ZFHX2: variants seen among roughly 807,000 people sequenced by gnomAD.
The protein encoded by ZFHX2 is zinc finger homeobox 2.
In ZFHX2, 75 loss-of-function variants were observed where a neutral mutation model predicts 164.8. The ratio of observed to expected loss-of-function variants is 0.46; its 90% CI spans 0.38 to 0.55. The LOEUF (loss-of-function observed/expected upper bound fraction) is 0.55, where lower values mean the gene tolerates loss of function less well. Among genes scored for constraint, ZFHX2 ranks in the 20% least tolerant of loss-of-function variants. The pLI is 0.00. For missense variants in ZFHX2, 2,933 were observed against 3,308.0 expected, an observed-to-expected ratio of 0.89 and a Z score of 2.78; for synonymous variants, 1,217 against 1,351.4, an observed-to-expected ratio of 0.90 and a Z score of 2.18.
chr14:23,535,231 G>T lies in ZFHX2; in HGVS notation c.95C>A (p.Thr32Asn). The T allele has an allele frequency of 6.6e-7, 1 of 1,522,412 alleles. No homozygotes were observed. The allele number at this position is 1,522,412 out of a possible 1,614,324, so 94.3% of individuals were successfully genotyped here. Residue 32 changes from threonine (T) to asparagine (N), a missense_variant, in exon 2 of 10, where the codon ACC (threonine) becomes AAC (asparagine). Coordinates refer to ENST00000419474, the MANE Select transcript of ZFHX2 (RefSeq NM_033400.3). The surrounding 1 kb of genome is among the most constrained non-coding windows in gnomAD (Gnocchi z 4.5). ...ATCTTTGGTGACAGGATCAGAGGGG[G>T]TGCTGGAGGAGAAGGTGTCCGAAGG... ...SLPSDTFSSS[T>N]PSDPVTKDPP...
Position 23,524,718 on chromosome 14 carries a change from C to T in ZFHX2, c.5224G>A (p.Glu1742Lys). The T allele has an allele frequency of 1.3e-6, 2 of 1,536,358 alleles. No homozygotes were observed. Among genetic ancestry groups the T allele is most frequent in the Non-Finnish European group, 1.7e-6 (2 of 1,146,938 alleles). ...EGPLPEPPDG[E>K]ELSQAEATKA... ...GTTGCCTCTGCTTGGCTCAGCTCCT[C>T]CCCATCTGGAGGCTCTGGTAATGGG... Residue 1742 changes from glutamate to lysine, a missense_variant, in exon 9 of 10, where the codon GAG (glutamate) becomes AAG (lysine). Glu to Lys is a moderately conservative substitution (Grantham distance 56). Transcript: ENST00000419474. This position sits in a 1 kb window ranked among gnomAD's most constrained non-coding sequence, Gnocchi z 5.6.
chr14:23,537,150 G>A (rs1277440374), intron 1 of ZFHX2, among the ~76,000 whole-genome samples: 2 of 151,912 alleles, frequency 1.3e-5, no homozygotes, highest in African/African-American at 2.4e-5. Flanking sequence ...ATGAAACTCC[G>A]TCTCACCAAA....
rs995242582 is a variant in ZFHX2 at position 23,533,314 on chromosome 14, C to T, written c.2012G>A (p.Gly671Glu). Reference protein sequence around the residue: ...QLLLNGFHHVGAPARKFPTSA... With the variant: ...QLLLNGFHHVEAPARKFPTSA... The stretch of plus-strand genomic sequence containing the variant: ...TGTGGGGAACTTGCGGGCAGGTGCT[C>T]CTACGTGGTGGAAACCATTGAGAAG... The change falls in exon 2 of 10, where the codon GGA (glycine) becomes GAA (glutamate). Residue 671 changes from glycine to glutamate, a missense_variant. By Grantham distance (98) the Gly-to-Glu change is moderately conservative. Coordinates refer to ENST00000419474, the MANE Select transcript of ZFHX2 (RefSeq NM_033400.3). This position sits in a 1 kb window ranked among gnomAD's most constrained non-coding sequence, Gnocchi z 4.8. 8.3e-5 allele frequency: 120 copies of T among 1,437,976 alleles called. No individual in the cohort carries two copies. Among genetic ancestry groups the T allele is most frequent in the Non-Finnish European group, 1.1e-4 (117 of 1,100,342 alleles). 89.1% of individuals were successfully genotyped at this position (1,437,976 alleles called of 1,614,324 possible).
chr14:23,529,348 T>G (rs1187721788), intron 6 of ZFHX2: 1 of 247,766 alleles, frequency 4.0e-6, no homozygotes, highest in African/African-American at 2.3e-5. Flanking sequence ...GTCTTTCTGC[T>G]CCTAACTAAG....
chr14:23,528,605 C>A (rs1566579813), intron 6 of ZFHX2: 1 of 985,432 alleles, frequency 1.0e-6, no homozygotes, highest in Non-Finnish European at 1.2e-6. Flanking sequence ...CCTCTGTGAA[C>A]CATCACCTGG....
Position 23,527,722 on chromosome 14 carries a change from T to G in ZFHX2, c.3017A>C (p.Gln1006Pro). The change falls in exon 7 of 10, where the codon CAG becomes CCG. Residue 1006 changes from glutamine to proline, a missense_variant. Transcript: ENST00000419474. ...GCACAGTGGGCATCTGTACTTGGGC[T>G]GCACTGCATGCTGGGAGAGTGTATG... ...RAHTLSQHAV[Q>P]PKYRCPLCQE... is the part of the protein sequence containing the mutation. The G allele has an allele frequency of 6.5e-7, 1 of 1,536,160 alleles. No individual in the cohort carries two copies. Among genetic ancestry groups the G allele is most frequent in the East Asian group, 2.4e-5 (1 of 40,902 alleles).
chr14:23,528,701 C>T, intron 6 of ZFHX2: 1 of 985,392 alleles, frequency 1.0e-6, no homozygotes, highest in Non-Finnish European at 1.2e-6. Context: ...CTTTCTTTTT[C>T]CTTCTTCTTT....
chr14:23,539,126 CT>C (rs1391672710), intron 1 of ZFHX2, among the ~76,000 whole-genome samples: 1 of 152,112 alleles, frequency 6.6e-6, no homozygotes, highest in East Asian at 1.9e-4. Context: ...TCCTCCTCCC[CT>C]AATGCACTGT....
intron 1 of ZFHX2, among the ~76,000 whole-genome samples, chr14:23,537,845 C>T (rs1360626516): frequency 6.6e-6 from 1 of 152,206 alleles, no homozygotes; most frequent in East Asian, 1.9e-4. Context: ...GGGTGGGCCA[C>T]ACCGCCCTTC....
In ZFHX2 at chr14:23,522,191, C is replaced by G; in HGVS notation, c.7490G>C (p.Cys2497Ser). Residue 2497 changes from cysteine to serine, a missense_variant, in exon 10 of 10, where the codon TGC becomes TCC. Cys to Ser is a moderately radical substitution (Grantham distance 112, BLOSUM62 -1). Coordinates refer to ENST00000419474, the MANE Select transcript of ZFHX2 (RefSeq NM_033400.3). ...PLRVPICTYH[C>S]LACEVLLSGR... ...ACTCAGCAGCACCTCACATGCCAGGCAGTGGTAGGTGCAGATGGGCACCCG... is the reference window on the plus strand; with the variant it reads ...ACTCAGCAGCACCTCACATGCCAGGGAGTGGTAGGTGCAGATGGGCACCCG... 1 of 1,490,168 alleles carries G rather than the reference C, an allele frequency of 6.7e-7. No individual in the cohort carries two copies. Among genetic ancestry groups the G allele is most frequent in the Non-Finnish European group, 8.9e-7 (1 of 1,124,274 alleles). 92.3% of individuals were successfully genotyped at this position (1,490,168 alleles called of 1,614,324 possible). A position where few individuals can be genotyped will look rare whatever the true frequency, so the allele number is the denominator to read the frequency against.
chr14:23,527,008 A>C (rs1017067268), intron 7 of ZFHX2, 35 bp from the exon 8 acceptor site: 13 of 1,468,692 alleles, frequency 8.9e-6, no homozygotes, highest in Non-Finnish European at 1.1e-5. Context: ...CTTCACCACC[A>C]CCCCCCACTG....
chr14:23,528,957 G>A (rs895184397), intron 6 of ZFHX2: 1 of 493,090 alleles, frequency 2.0e-6, no homozygotes, highest in African/African-American at 2.1e-5. Context: ...CCTAGCCCCT[G>A]GAGCAGACAT....
At chr14:23,526,994 G>C (rs1483848750) in intron 7 of ZFHX2, 21 bp from the exon 8 acceptor site, 3 of 1,487,082 alleles carry the variant, frequency 2.0e-6, no homozygotes, top group South Asian at 1.3e-5. Context: ...AAAAAGCCTA[G>C]TGGCTTCACC....
At chr14:23,529,924 A>T (rs952718894) in intron 5 of ZFHX2, among the ~76,000 whole-genome samples, 156 bp from the exon 6 acceptor site, 2 of 152,118 alleles carry the variant, frequency 1.3e-5, no homozygotes, top group African/African-American at 4.8e-5. Context: ...GGTCAGTAGG[A>T]TGGTCAGGTC....
At chr14:23,542,765 GTGTCTC>G (rs1165565531) in intron 1 of ZFHX2, among the ~76,000 whole-genome samples, 1 of 151,594 alleles carries the variant, frequency 6.6e-6, no homozygotes, top group African/African-American at 2.4e-5. Context: ...TTTGGAGATG[GTGTCTC>G]TGTTGCCAGG....
intron 3 of ZFHX2, chr14:23,532,261 T>A (rs1224002590): frequency 2.2e-5 from 6 of 276,548 alleles, no homozygotes. Flanking sequence ...GCAAATGGAG[T>A]CTGGTTCCAT....
chr14:23,527,782 C>CTGCA lies in ZFHX2; in HGVS notation c.2953_2956dup (p.Ser986MetfsTer45). On this transcript the variant is annotated frameshift_variant, in exon 7 of 10. Coordinates refer to ENST00000419474, the MANE Select transcript of ZFHX2 (RefSeq NM_033400.3). LOFTEE classifies it high-confidence loss of function. ...CTGGCTGGACTCTGGGCTCAGGAAG[C>CTGCA]TGCAGTATGGACAGCAGTATACCTG... 2.0e-6 allele frequency: 3 copies of CTGCA among 1,535,984 alleles called. No individual in the cohort carries two copies. Among genetic ancestry groups the CTGCA allele is most frequent in the Non-Finnish European group, 2.6e-6 (3 of 1,146,888 alleles).
rs781513342 is a variant in ZFHX2, at chr14:23,521,994, T to C, written c.7687A>G (p.Thr2563Ala). 2.0e-6 allele frequency: 3 copies of C among 1,536,350 alleles called. No individual in the cohort carries two copies. The highest frequency in any genetic ancestry group is 2.4e-5 in the South Asian group (2 of 84,056). ...RLPHTDSNPK[T>A]TTTSTLLAL ...GCTAGAAGTGTAGAGGTAGTCGTAGTTTTTGGGTTGGAGTCCGTGTGAGGT... is the reference window on the plus strand; with the variant it reads ...GCTAGAAGTGTAGAGGTAGTCGTAGCTTTTGGGTTGGAGTCCGTGTGAGGT... The change falls in exon 10 of 10, where the codon ACT becomes GCT. Residue 2563 changes from threonine (T) to alanine (A), a missense_variant. Transcript: ENST00000419474.
chr14:23,529,903 G>T (rs1214872347), intron 5 of ZFHX2, 135 bp from the exon 6 acceptor site: 1 of 1,007,902 alleles, frequency 9.9e-7, no homozygotes, highest in South Asian at 1.5e-5. Context: ...GCTTGGCAAG[G>T]GCTGACTCCG....
Sources: gnomAD v4.1 joint callset for allele counts (sites outside exome capture counted in the v4.1 genomes callset) on GRCh38, gnomAD v4.1.1 for gene constraint, Gnocchi (gnomAD v3.1) non-coding constraint, MANE v1.5 for transcripts, NCBI Gene and HGNC (gene_info 2026-07-23, HGNC 2026-07-21) for gene names.